Variants in C8orf34 observed in about 807,000 individuals in gnomAD.
The protein encoded by C8orf34 is chromosome 8 open reading frame 34.
In C8orf34, 65 loss-of-function variants were observed where a neutral mutation model predicts 68.3. The observed-to-expected ratio is 0.95, with a 90% CI of 0.78 to 1.17. The LOEUF (loss-of-function observed/expected upper bound fraction) is 1.17. Among genes scored for constraint, C8orf34 ranks in the 50% most tolerant of loss-of-function variants. The pLI is 0.00. For missense variants in C8orf34, 664 were observed against 655.4 expected, an observed-to-expected ratio of 1.01 and a Z score of -0.14; for synonymous variants, 244 against 241.2, an observed-to-expected ratio of 1.01 and a Z score of -0.11.
chr8:68,491,405 T>C (rs1308233417), intron 5 of C8orf34, among the ~76,000 whole-genome samples: 1 of 152,192 alleles, frequency 6.6e-6, no homozygotes, highest in Non-Finnish European at 1.5e-5. Context: ...TGAACATGAG[T>C]TTCCCTGAGC....
intron 8 of C8orf34, among the ~76,000 whole-genome samples, chr8:68,660,536 T>C (rs2130807344): frequency 6.6e-6 from 1 of 152,298 alleles, no homozygotes; most frequent in Non-Finnish European, 1.5e-5. Context: ...CCATGGATAC[T>C]AGCATGACCC....
chr8:68,439,755 T>G (rs1476678749), intron 2 of C8orf34, 109 bp downstream of exon 2: 5 of 1,051,478 alleles, frequency 4.8e-6, no homozygotes, highest in Non-Finnish European at 6.8e-6. Flanking sequence ...TACCAAAGGT[T>G]TCATGTGTTC....
chr8:68,467,348 C>T (rs1380994998), intron 3 of C8orf34, among the ~76,000 whole-genome samples: 1 of 151,838 alleles, frequency 6.6e-6, no homozygotes, highest in Non-Finnish European at 1.5e-5. Context: ...TACTATGTAC[C>T]CATCACTAAT....
At chr8:68,813,925 G>A (rs1208995453) in intron 12 of C8orf34, among the ~76,000 whole-genome samples, 1 of 152,100 alleles carries the variant, frequency 6.6e-6, no homozygotes, top group Non-Finnish European at 1.5e-5. Flanking sequence ...CTCATAGGCT[G>A]TATATACTTT....
chr8:68,693,153 G>C (rs1489127549), intron 8 of C8orf34, among the ~76,000 whole-genome samples: 1 of 152,056 alleles, frequency 6.6e-6, no homozygotes, highest in African/African-American at 2.4e-5. Flanking sequence ...GAATCTTGCT[G>C]TCTATCTTAA....
chr8:68,674,943 T>C (rs922515363), intron 8 of C8orf34, among the ~76,000 whole-genome samples: 16 of 144,834 alleles, frequency 1.1e-4, no homozygotes, highest in Admixed American at 7.5e-4. Context: ...GGAGCTCCAA[T>C]ACCCCTGGCA....
chr8:68,771,624 T>A (rs762993548), intron 10 of C8orf34, among the ~76,000 whole-genome samples: 1 of 152,182 alleles, frequency 6.6e-6, no homozygotes, highest in African/African-American at 2.4e-5. Flanking sequence ...AGCTCCTTTA[T>A]CCGGACTAAT....
At chr8:68,432,028 T>G (rs946693950) in intron 1 of C8orf34, among the ~76,000 whole-genome samples, 2 of 151,806 alleles carry the variant, frequency 1.3e-5, no homozygotes, top group Non-Finnish European at 2.9e-5. Flanking sequence ...AAGCCAAGAG[T>G]CTTTCAAATC....
chr8:68,337,703 T>C (rs1161430056), intron 1 of C8orf34, among the ~76,000 whole-genome samples: 1 of 152,188 alleles, frequency 6.6e-6, no homozygotes, highest in Non-Finnish European at 1.5e-5. Flanking sequence ...AGTTCACCTA[T>C]TGGGTTTCTT....
chr8:68,353,413 G>A (rs913054292), intron 1 of C8orf34, among the ~76,000 whole-genome samples: 1 of 151,790 alleles, frequency 6.6e-6, no homozygotes, highest in African/African-American at 2.4e-5. Flanking sequence ...GTAGTTTTAT[G>A]AGTGATGCAT....
At chr8:68,559,434 G>A (rs1228338714) in intron 7 of C8orf34, among the ~76,000 whole-genome samples, 1 of 152,176 alleles carries the variant, frequency 6.6e-6, no homozygotes, top group Non-Finnish European at 1.5e-5. Flanking sequence ...TCTGTAAATT[G>A]AGGGTGGAGT....
At chr8:68,724,064 A>C (rs1006068982) in intron 10 of C8orf34, among the ~76,000 whole-genome samples, 10 of 152,190 alleles carry the variant, frequency 6.6e-5, no homozygotes, top group Admixed American at 5.9e-4. Context: ...AAATGAGTGA[A>C]TGTCAGGACC....
intron 5 of C8orf34, among the ~76,000 whole-genome samples, chr8:68,516,960 C>G (rs1814545486): frequency 6.6e-6 from 1 of 152,084 alleles, no homozygotes; most frequent in African/African-American, 2.4e-5. Context: ...ATTAAAGTTA[C>G]GCTGACTTGC....
chr8:68,534,883 T>C, intron 7 of C8orf34: 1 of 985,418 alleles, frequency 1.0e-6, no homozygotes. Flanking sequence ...GGAGACTATC[T>C]AATGATGAGC....
chr8:68,722,888 T>G (rs892818945), intron 10 of C8orf34, among the ~76,000 whole-genome samples: 1 of 152,070 alleles, frequency 6.6e-6, no homozygotes, highest in Non-Finnish European at 1.5e-5. Context: ...TGGTAAAATC[T>G]TAGAAATAGA....
chr8:68,574,028 T>G (rs1209076125), intron 7 of C8orf34, among the ~76,000 whole-genome samples: 3 of 152,174 alleles, frequency 2.0e-5, no homozygotes, highest in Non-Finnish European at 2.9e-5. Context: ...GATTTAAACT[T>G]TACCCATTTC....
At chr8:68,724,140 G>C (rs891676690) in intron 10 of C8orf34, among the ~76,000 whole-genome samples, 2 of 151,932 alleles carry the variant, frequency 1.3e-5, no homozygotes, top group Non-Finnish European at 2.9e-5. Context: ...TAAATTAAAA[G>C]TTAATTTTGT....
chr8:68,488,108 CTG>C, intron 5 of C8orf34, 57 bp downstream of exon 5: 1 of 1,218,066 alleles, frequency 8.2e-7, no homozygotes, highest in Non-Finnish European at 1.2e-6. Context: ...TTTTATTCCA[CTG>C]TCTCAACATA....
intron 1 of C8orf34, among the ~76,000 whole-genome samples, chr8:68,375,884 C>A (rs184056164): frequency 6.6e-6 from 1 of 152,080 alleles, no homozygotes; most frequent in Non-Finnish European, 1.5e-5. Context: ...AAAATATAGG[C>A]TTTAGACTCA....
Sources: gnomAD v4.1 joint callset for allele counts (sites outside exome capture counted in the v4.1 genomes callset) on GRCh38, gnomAD v4.1.1 for gene constraint, MANE v1.5 for transcripts, NCBI Gene and HGNC (gene_info 2026-07-23, HGNC 2026-07-21) for gene names.